The following COL8A1 variants were observed in gnomAD, a reference collection of about 807,000 sequenced individuals.
COL8A1 encodes the protein collagen alpha-1(VIII) chain.
In COL8A1, 21 loss-of-function variants were observed where a neutral mutation model predicts 42.7. That is an observed-to-expected ratio of 0.49 (90% CI 0.35 to 0.71). The LOEUF (loss-of-function observed/expected upper bound fraction) is 0.71. COL8A1 is among the 30% of genes least tolerant of loss of function. The pLI is 0.01. For synonymous variants in COL8A1, 367 were observed against 369.1 expected, an observed-to-expected ratio of 0.99 and a Z score of 0.06; for missense variants, 788 against 962.4, an observed-to-expected ratio of 0.82 and a Z score of 2.40.
chr3:99,665,228 C>A (rs917421591), intron 1 of COL8A1, among the ~76,000 whole-genome samples: 5 of 152,252 alleles, frequency 3.3e-5, no homozygotes, highest in South Asian at 2.1e-4. Flanking sequence ...CTACTCCCAG[C>A]CTCTCACTTG....
intron 2 of COL8A1, among the ~76,000 whole-genome samples, chr3:99,776,606 G>A (rs1175372503): frequency 6.6e-6 from 1 of 152,168 alleles, no homozygotes; most frequent in Non-Finnish European, 1.5e-5. Flanking sequence ...TCCCAATCCA[G>A]ACCCCAAGAG....
intron 1 of COL8A1, among the ~76,000 whole-genome samples, chr3:99,727,544 C>T (rs929251632): frequency 3.0e-4 from 45 of 152,004 alleles, no homozygotes; most frequent in African/African-American, 1.0e-3. Flanking sequence ...GCCAGTTTTC[C>T]CAGCACCATT....
intron 1 of COL8A1, among the ~76,000 whole-genome samples, chr3:99,662,204 C>T (rs919483892): frequency 8.6e-5 from 13 of 152,010 alleles, no homozygotes; most frequent in African/African-American, 3.1e-4. Flanking sequence ...CATGGTGAAA[C>T]CCCATGGCTA....
At chr3:99,779,137 G>A (rs922222914) in intron 2 of COL8A1, among the ~76,000 whole-genome samples, 4 of 152,182 alleles carry the variant, frequency 2.6e-5, no homozygotes, top group Admixed American at 1.3e-4. Flanking sequence ...TTTTAGATGT[G>A]AGGATACTAC....
In COL8A1 at chr3:99,734,124, C is replaced by G. The variant is rs569674662; in HGVS notation, c.-128-10773C>G. Among the ~76,000 whole-genome samples the G allele has an allele frequency of 1.6e-3, 236 of 151,758 alleles. 1 individual carries two copies. Among genetic ancestry groups the G allele is most frequent in the Non-Finnish European group, 2.8e-3 (188 of 67,978 alleles). The stretch of plus-strand genomic sequence containing the variant: ...TGCCTGTTAACTCTGATGGTAGTTT[C>G]TTTTGCTGTGCAGAAGCTCTTTAGT... On this transcript the variant is annotated intron_variant, in intron 1 of 3. Coordinates refer to ENST00000652472, the MANE Select transcript of COL8A1 (RefSeq NM_020351.4).
intron 1 of COL8A1, among the ~76,000 whole-genome samples, chr3:99,726,023 T>C (rs1940307248): frequency 6.6e-6 from 1 of 152,154 alleles, no homozygotes; most frequent in Non-Finnish European, 1.5e-5. Context: ...TAGTTTACAG[T>C]CTCACCAGCA....
intron 1 of COL8A1, among the ~76,000 whole-genome samples, chr3:99,688,422 G>A (rs555428652): frequency 5.3e-5 from 8 of 152,034 alleles, no homozygotes; most frequent in Non-Finnish European, 1.2e-4. Flanking sequence ...AGAGCGCATC[G>A]TTCCAACCTC....
intron 1 of COL8A1, among the ~76,000 whole-genome samples, chr3:99,734,697 G>A (rs1208182904): frequency 6.6e-6 from 1 of 151,860 alleles, no homozygotes; most frequent in Non-Finnish European, 1.5e-5. Flanking sequence ...AAAGGCATTG[G>A]TAGCTTGATG....
intron 1 of COL8A1, among the ~76,000 whole-genome samples, chr3:99,741,377 T>A (rs1421686502): frequency 6.6e-6 from 1 of 152,208 alleles, no homozygotes; most frequent in South Asian, 2.1e-4. Context: ...CCACATTCAG[T>A]TTTCCAACTT....
intron 1 of COL8A1, among the ~76,000 whole-genome samples, chr3:99,664,888 G>A (rs1422026719): frequency 6.6e-6 from 1 of 152,216 alleles, no homozygotes; most frequent in African/African-American, 2.4e-5. Flanking sequence ...TGGAGGGAAT[G>A]AAGGGGAGGA....
rs547793101 is a variant in COL8A1 at position 99,798,648 on chromosome 3, G to A, written c.*2512G>A. 12 of 152,236 alleles carry A rather than the reference G, an allele frequency of 7.9e-5. No individual in the cohort carries two copies. Among genetic ancestry groups the A allele is most frequent in the South Asian group, 2.1e-4 (1 of 4,816 alleles). The allele number at this position is 152,236 out of a possible 1,614,324, so 9.4% of individuals were successfully genotyped here. On this transcript the variant is annotated 3_prime_UTR_variant, in exon 4 of 4. Transcript: ENST00000652472. Reference sequence around the variant, plus strand: ...TGTGTGTGTGTGTGTGCGCGTGAGCGCACGTGTGTGTATGCGTGCGCATGT... The same window carrying A: ...TGTGTGTGTGTGTGTGCGCGTGAGCACACGTGTGTGTATGCGTGCGCATGT...
At chr3:99,792,054 C>A (rs1180635858) in intron 3 of COL8A1, among the ~76,000 whole-genome samples, 1 of 152,178 alleles carries the variant, frequency 6.6e-6, no homozygotes, top group South Asian at 2.1e-4. Flanking sequence ...CCTGATTCAT[C>A]TCTCCTACTC....
At chr3:99,689,568 G>A (rs1939157491) in intron 1 of COL8A1, among the ~76,000 whole-genome samples, 1 of 152,082 alleles carries the variant, frequency 6.6e-6, no homozygotes, top group Middle Eastern at 3.4e-3. Context: ...CATAATTTTT[G>A]CCATTATTTA....
rs573356260 is a variant in COL8A1, at chr3:99,738,252, G to A, written c.-128-6645G>A. 2.9e-3 allele frequency among the ~76,000 whole-genome samples: 438 copies of A among 152,338 alleles called. 2 individuals are homozygous for A. Among genetic ancestry groups the A allele is most frequent in the African/African-American group, 1.0e-2 (414 of 41,578 alleles). On this transcript the variant is annotated intron_variant, in intron 1 of 3. Coordinates refer to ENST00000652472, the MANE Select transcript of COL8A1 (RefSeq NM_020351.4). The stretch of plus-strand genomic sequence containing the variant: ...TCAAAGTCATTCTCCATCCAGCTTT[G>A]TTCCATCGCTGGTGAGGAACTGCGT...
At chr3:99,660,728 T>C (rs1486777062) in intron 1 of COL8A1, among the ~76,000 whole-genome samples, 1 of 152,174 alleles carries the variant, frequency 6.6e-6, no homozygotes, top group Non-Finnish European at 1.5e-5. Context: ...AAGCTTAAAA[T>C]AGAAATAAAG....
At chr3:99,778,828 G>C (rs1312502882) in intron 2 of COL8A1, among the ~76,000 whole-genome samples, 1 of 152,114 alleles carries the variant, frequency 6.6e-6, no homozygotes, top group Non-Finnish European at 1.5e-5. Context: ...ACTTAGAAAA[G>C]GGGTAGGCAG....
chr3:99,729,400 T>C (rs1940433499), intron 1 of COL8A1, among the ~76,000 whole-genome samples: 1 of 152,078 alleles, frequency 6.6e-6, no homozygotes, highest in Non-Finnish European at 1.5e-5. Context: ...ATTATTTAGG[T>C]TTGGCTTCTT....
chr3:99,669,146 T>TATATATATATATATATATATAGAG, intron 1 of COL8A1, among the ~76,000 whole-genome samples: 8 of 115,380 alleles, frequency 6.9e-5, no homozygotes, highest in East Asian at 6.2e-4. Flanking sequence ...TATATATATA[T>TATATATATATATATATATATAGAG]AGAGGGAGAG....
chr3:99,640,830 T>C (rs1937493704), intron 1 of COL8A1, among the ~76,000 whole-genome samples: 2 of 152,162 alleles, frequency 1.3e-5, no homozygotes, highest in African/African-American at 4.8e-5. Context: ...CTGCATGGGA[T>C]GTGGATACTT....
Sources: allele counts gnomAD v4.1 joint callset (sites outside exome capture counted in the v4.1 genomes callset), GRCh38; gene constraint gnomAD v4.1.1; transcripts MANE v1.5; gene names NCBI Gene and HGNC (gene_info 2026-07-23, HGNC 2026-07-21).